FGGY: variants seen among roughly 807,000 people sequenced by gnomAD.
FGGY encodes the protein FGGY carbohydrate kinase domain containing.
A neutral mutation model predicts 71.3 loss-of-function variants in FGGY; 72 were observed. The ratio of observed to expected loss-of-function variants is 1.01; its 90% CI spans 0.84 to 1.23. The LOEUF (loss-of-function observed/expected upper bound fraction) is 1.23. Ranked by LOEUF, FGGY falls within the 50% of genes most tolerant of loss-of-function variation. The pLI, the probability that FGGY is intolerant of heterozygous loss-of-function variation, is 0.00. For synonymous variants in FGGY, 251 were observed against 250.3 expected (o/e 1.00, Z -0.02); for missense variants, 668 against 682.3 (o/e 0.98, Z 0.23).
At chr1:59,702,085 G>A (rs938439415) in intron 14 of FGGY, among the ~76,000 whole-genome samples, 13 of 152,142 alleles carry the variant, frequency 8.5e-5, no homozygotes, top group African/African-American at 1.2e-4. Context: ...AGGAGAGAGA[G>A]AGCAGGGGAA....
chr1:59,658,686 C>T (rs949004717), intron 11 of FGGY, among the ~76,000 whole-genome samples: 1 of 152,050 alleles, frequency 6.6e-6, no homozygotes, highest in Non-Finnish European at 1.5e-5. Context: ...GGGAGTAACA[C>T]GATCAGATTT....
At chr1:59,547,594 C>T (rs755822520) in intron 7 of FGGY, among the ~76,000 whole-genome samples, 1 of 152,154 alleles carries the variant, frequency 6.6e-6, no homozygotes, top group Non-Finnish European at 1.5e-5. Context: ...GTGATAATAA[C>T]TACCTTGCAG....
rs1222888316 is a variant in FGGY, at chr1:59,585,937, A to G, written c.904-21866A>G. Among the ~76,000 whole-genome samples, 18 of 152,352 alleles carry G rather than the reference A, an allele frequency of 1.2e-4. No homozygotes were observed. The East Asian group carries it at 3.5e-3, about 29-fold the overall frequency. Reference sequence around the variant, plus strand: ...AATGCTCATCATCACTGGCCATCAGAAAAATGCAAATCAAAACCACAATGA... The same window carrying G: ...AATGCTCATCATCACTGGCCATCAGGAAAATGCAAATCAAAACCACAATGA... On this transcript the variant is annotated intron_variant, in intron 8 of 15. Coordinates refer to ENST00000303721, the MANE Select transcript of FGGY (RefSeq NM_018291.5).
chr1:59,564,809 A>G (rs2095849019), intron 8 of FGGY, among the ~76,000 whole-genome samples: 1 of 152,222 alleles, frequency 6.6e-6, no homozygotes, highest in Non-Finnish European at 1.5e-5. Flanking sequence ...ATGTTTCTGG[A>G]AACCCACTAG....
At chr1:59,682,735 G>A (rs1190693094) in intron 14 of FGGY, among the ~76,000 whole-genome samples, 3 of 152,328 alleles carry the variant, frequency 2.0e-5, no homozygotes, top group Admixed American at 2.0e-4. Context: ...GCTCAGAGGA[G>A]GGTGGGAAGG....
At chr1:59,475,253 C>A (rs985273783) in intron 6 of FGGY, among the ~76,000 whole-genome samples, 1 of 152,144 alleles carries the variant, frequency 6.6e-6, no homozygotes, top group Non-Finnish European at 1.5e-5. Flanking sequence ...TAATCACAAA[C>A]CTTCCTTGAG....
At chr1:59,455,090 C>T (rs2091553953) in intron 5 of FGGY, among the ~76,000 whole-genome samples, 1 of 152,106 alleles carries the variant, frequency 6.6e-6, no homozygotes, top group South Asian at 2.1e-4. Flanking sequence ...TGTCATAATC[C>T]TGAATGTGAA....
intron 11 of FGGY, among the ~76,000 whole-genome samples, chr1:59,651,126 T>C (rs1572655356): frequency 6.6e-6 from 1 of 151,666 alleles, no homozygotes; most frequent in South Asian, 2.1e-4. Flanking sequence ...TAGTTTGTTA[T>C]AATTTCTGTT....
chr1:59,737,691 G>A (rs35775781), intron 14 of FGGY, among the ~76,000 whole-genome samples: 8,996 of 152,288 alleles, frequency 0.059, 343 homozygotes, highest in South Asian at 0.16. Flanking sequence ...ACTTGCTTTC[G>A]ATTTTGCAGG....
At chr1:59,555,440 G>T (rs1413267114) in intron 8 of FGGY, among the ~76,000 whole-genome samples, 1 of 152,192 alleles carries the variant, frequency 6.6e-6, no homozygotes, top group African/African-American at 2.4e-5. Flanking sequence ...TGTAGAGAGT[G>T]ACAGCACCTG....
chr1:59,620,692 A>G (rs977629814), intron 9 of FGGY, among the ~76,000 whole-genome samples: 1 of 151,780 alleles, frequency 6.6e-6, no homozygotes, highest in South Asian at 2.1e-4. Context: ...TTATTTTTTA[A>G]TGGTTGCTCT....
chr1:59,691,571 T>C (rs1426463439), intron 14 of FGGY, among the ~76,000 whole-genome samples: 1 of 152,296 alleles, frequency 6.6e-6, no homozygotes, highest in East Asian at 1.9e-4. Flanking sequence ...ATCAGACTGT[T>C]CTGGGAGGAG....
At chr1:59,590,376 C>A (rs2096406153) in intron 8 of FGGY, among the ~76,000 whole-genome samples, 1 of 152,192 alleles carries the variant, frequency 6.6e-6, no homozygotes. Context: ...GGAAGTGGTA[C>A]CATTCCTTCT....
chr1:59,339,925 T>G (rs1441460140), intron 2 of FGGY, 33 bp from the exon 3 acceptor site: 1 of 1,348,010 alleles, frequency 7.4e-7, no homozygotes, highest in Non-Finnish European at 1.1e-6. Context: ...ACCCTGGTGT[T>G]GTAATTTATG....
At chr1:59,487,882 G>T (rs1157400914) in intron 6 of FGGY, among the ~76,000 whole-genome samples, 1 of 141,038 alleles carries the variant, frequency 7.1e-6, no homozygotes, top group Non-Finnish European at 1.5e-5. Context: ...CATCATCTTT[G>T]TTTTAATTTT....
intron 7 of FGGY, among the ~76,000 whole-genome samples, chr1:59,538,700 A>G (rs1170189278): frequency 1.3e-5 from 2 of 152,146 alleles, no homozygotes; most frequent in Non-Finnish European, 2.9e-5. Context: ...TGTTAGGGAC[A>G]TGGATGAAAT....
At chr1:59,640,444 G>C (rs1417468866) in intron 11 of FGGY, among the ~76,000 whole-genome samples, 1 of 152,098 alleles carries the variant, frequency 6.6e-6, no homozygotes, top group Non-Finnish European at 1.5e-5. Flanking sequence ...TTGTATGCCA[G>C]GCACTGCCGT....
intron 10 of FGGY, among the ~76,000 whole-genome samples, chr1:59,629,243 T>C (rs1333223424): frequency 2.0e-5 from 3 of 152,096 alleles, no homozygotes; most frequent in African/African-American, 7.2e-5. Context: ...AATAAATAAA[T>C]GATTGTTGTA....
intron 8 of FGGY, among the ~76,000 whole-genome samples, chr1:59,566,902 TA>T (rs2095881685): frequency 1.3e-5 from 2 of 152,308 alleles, no homozygotes; most frequent in African/African-American, 2.4e-5. Flanking sequence ...TAGGTTACAT[TA>T]TGGGATGATA....
Sources: gnomAD v4.1 joint callset for allele counts (sites outside exome capture counted in the v4.1 genomes callset) on GRCh38, gnomAD v4.1.1 for gene constraint, MANE v1.5 for transcripts, NCBI Gene and HGNC (gene_info 2026-07-23, HGNC 2026-07-21) for gene names.